The following MRLN variants were observed in gnomAD, a reference collection of about 807,000 sequenced individuals.
MRLN encodes Linc-RNA activator of myogenesis.
chr10:59,745,718 G>A (rs1003810299), intron 1 of MRLN, among the ~76,000 whole-genome samples: 13 of 150,846 alleles, frequency 8.6e-5, no homozygotes, highest in Admixed American at 2.6e-4. Context: ...GTTGAGGAGT[G>A]GTATCCCACA....
chr10:59,750,604 T>C (rs1841092430), intron 1 of MRLN, among the ~76,000 whole-genome samples: 1 of 152,242 alleles, frequency 6.6e-6, no homozygotes, highest in Non-Finnish European at 1.5e-5. Context: ...ATGACATGAA[T>C]TTATTCAGTT....
intron 1 of MRLN, among the ~76,000 whole-genome samples, chr10:59,745,966 G>A (rs948135833): frequency 2.0e-5 from 3 of 152,018 alleles, no homozygotes; most frequent in African/African-American, 7.3e-5. Flanking sequence ...AAAGTATTAC[G>A]AGTTCTGAGA....
In MRLN at chr10:59,737,107, TAACA is replaced by T. The variant is rs1448973284; in HGVS notation, c.90_93del (p.Phe30LeufsTer6). 3.3e-5 allele frequency: 13 copies of T among 397,950 alleles called. No individual in the cohort carries two copies. The highest frequency in any genetic ancestry group is 5.3e-5 in the Non-Finnish European group (12 of 225,476). 24.7% of individuals were successfully genotyped at this position (397,950 alleles called of 1,614,324 possible). A position where few individuals can be genotyped will look rare whatever the true frequency, so the allele number is the denominator to read the frequency against. On this transcript the variant is annotated frameshift_variant, in exon 3 of 3. Coordinates refer to ENST00000414264, the MANE Select transcript of MRLN (RefSeq NM_001304731.2). LOFTEE classifies it high-confidence loss of function. ...ATAATAGAAATTAAGTCAACAAAGA[TAACA>T]AACAAAATTTTTAGAAGTCTTCCCA...
chr10:59,743,696 G>A lies in MRLN; in HGVS notation c.-124-5134C>T, dbSNP rs7915229. Among the ~76,000 whole-genome samples, 914 of 152,060 alleles carry A rather than the reference G, an allele frequency of 6.0e-3. 11 individuals carry two copies. The highest frequency in any genetic ancestry group is 0.021 in the African/African-American group (882 of 41,488). ...TCCGCCTCCCCCTCCCTCTTTGCAT[G>A]GTCTCCCTCTGATGCCCAGCCGAGG... On this transcript the variant is annotated intron_variant, in intron 1 of 2. Transcript: ENST00000414264.
intron 1 of MRLN, among the ~76,000 whole-genome samples, chr10:59,747,271 G>A (rs1005762040): frequency 3.3e-5 from 5 of 152,304 alleles, no homozygotes; most frequent in African/African-American, 1.2e-4. Context: ...AAGACATGGT[G>A]TTTGAGAGAT....
chr10:59,743,465 T>C (rs1841005894), intron 1 of MRLN, among the ~76,000 whole-genome samples: 1 of 152,168 alleles, frequency 6.6e-6, no homozygotes, highest in African/African-American at 2.4e-5. Context: ...AAGGCAAATC[T>C]CTTCCACCAT....
intron 1 of MRLN, among the ~76,000 whole-genome samples, chr10:59,748,535 G>A (rs1052348906): frequency 6.6e-6 from 1 of 152,122 alleles, no homozygotes. Context: ...CTTGTTTCCT[G>A]ATTAAGACAT....
intron 1 of MRLN, among the ~76,000 whole-genome samples, chr10:59,746,869 T>G (rs942404140): frequency 6.6e-6 from 1 of 152,208 alleles, no homozygotes; most frequent in Admixed American, 6.5e-5. Flanking sequence ...GTCGGCTCAC[T>G]GCACACTGCA....
Position 59,750,852 on chromosome 10 carries a change from T to C in MRLN, c.-125+2502A>G, listed in dbSNP as rs567522547. On this transcript the variant is annotated intron_variant, in intron 1 of 2. Transcript: ENST00000414264. ...TTTGAGTGGTGCGAGGATGCAGAAA[T>C]GGGTGCAGGATGCAGAAACGGGTGC... 4.1e-4 allele frequency among the ~76,000 whole-genome samples: 62 copies of C among 152,180 alleles called. 1 individual carries two copies. The South Asian group carries it at 0.012, about 29-fold the overall frequency.
chr10:59,751,026 G>A (rs1019828030), intron 1 of MRLN, among the ~76,000 whole-genome samples: 1 of 152,170 alleles, frequency 6.6e-6, no homozygotes, highest in Non-Finnish European at 1.5e-5. Context: ...AAAGGCATTT[G>A]GCAAAACCTT....
chr10:59,752,595 A>C (rs1012534396), intron 1 of MRLN, among the ~76,000 whole-genome samples: 2 of 152,210 alleles, frequency 1.3e-5, no homozygotes, highest in African/African-American at 2.4e-5. Context: ...CACATGTTCA[A>C]GAATTGAACA....
intron 1 of MRLN, among the ~76,000 whole-genome samples, chr10:59,740,775 GTTT>G (rs1840974356): frequency 8.6e-6 from 1 of 116,246 alleles, no homozygotes; most frequent in Non-Finnish European, 1.7e-5. Context: ...CTTTTTCTTT[GTTT>G]TCTTTCTTTC....
At chr10:59,745,654 G>A (rs1051142507) in intron 1 of MRLN, among the ~76,000 whole-genome samples, 1 of 149,328 alleles carries the variant, frequency 6.7e-6, no homozygotes, top group African/African-American at 2.6e-5. Context: ...ATTGTATCAA[G>A]ATTCAGGTCC....
intron 1 of MRLN, among the ~76,000 whole-genome samples, chr10:59,746,248 G>A (rs1564726789): frequency 6.6e-6 from 1 of 152,048 alleles, no homozygotes. Context: ...GTTCCCTAGA[G>A]GCATATGTTG....
chr10:59,745,621 A>G (rs1224211176), intron 1 of MRLN, among the ~76,000 whole-genome samples: 2 of 151,690 alleles, frequency 1.3e-5, no homozygotes, highest in African/African-American at 2.4e-5. Context: ...CATCTAGTTT[A>G]TAAGTTTTTA....
intron 1 of MRLN, among the ~76,000 whole-genome samples, chr10:59,745,122 AT>A (rs749431827): frequency 1.4e-4 from 21 of 150,326 alleles, no homozygotes; most frequent in Non-Finnish European, 1.5e-4. Context: ...TAAAAAAAAA[AT>A]AAAATAAAAT....
intron 1 of MRLN, among the ~76,000 whole-genome samples, chr10:59,742,978 C>G (rs1030414226): frequency 6.6e-6 from 1 of 152,152 alleles, no homozygotes; most frequent in Non-Finnish European, 1.5e-5. Flanking sequence ...GATCCTCCTG[C>G]CTCAGCCTCC....
intron 1 of MRLN, among the ~76,000 whole-genome samples, chr10:59,746,810 T>G (rs532790664): frequency 6.6e-6 from 1 of 152,298 alleles, no homozygotes; most frequent in South Asian, 2.1e-4. Flanking sequence ...GAAAGTACAG[T>G]TTTTTTGTTT....
In MRLN at chr10:59,740,922, C is replaced by T. The variant is rs377256360; in HGVS notation, c.-124-2360G>A. Among the ~76,000 whole-genome samples the T allele has an allele frequency of 2.5e-4, 38 of 151,726 alleles. 1 individual carries two copies. The highest frequency in any genetic ancestry group is 4.7e-4 in the Non-Finnish European group (32 of 67,930). ...ATGCAATTCTCCTGCCTCAGCCTCC[C>T]GAGTAGCTGAGATTACAGGAATGCA... On this transcript the variant is annotated intron_variant, in intron 1 of 2. Transcript: ENST00000414264.
Sources: gnomAD v4.1 joint callset for allele counts (sites outside exome capture counted in the v4.1 genomes callset) on GRCh38, gnomAD v4.1.1 for gene constraint, MANE v1.5 for transcripts, NCBI Gene and HGNC (gene_info 2026-07-23, HGNC 2026-07-21) for gene names.